ANKRD31: variants seen among roughly 807,000 people sequenced by gnomAD.
The protein encoded by ANKRD31 is ankyrin repeat domain-containing protein 31.
A neutral mutation model predicts 186.0 loss-of-function variants in ANKRD31; 147 were observed. That is an observed-to-expected ratio of 0.79 (90% CI 0.69 to 0.91). The LOEUF (loss-of-function observed/expected upper bound fraction) is 0.91, where lower values mean the gene tolerates loss of function less well. Among genes scored for constraint, ANKRD31 ranks in the 40% least tolerant of loss-of-function variants. The probability of loss-of-function intolerance (pLI) is 0.00; values close to 1 mark genes in which losing one functional copy is unlikely to be tolerated. For missense variants in ANKRD31, 1,986 were observed against 2,148.8 expected (o/e 0.92, Z 1.50); for synonymous variants, 673 against 736.4 (o/e 0.91, Z 1.39).
chr5:75,069,832 A>G (rs1220293887), intron 25 of ANKRD31, among the ~76,000 whole-genome samples: 3 of 152,106 alleles, frequency 2.0e-5, no homozygotes, highest in Admixed American at 2.0e-4. Context: ...TTTATTGGGT[A>G]TTTTGGCAAA....
intron 3 of ANKRD31, among the ~76,000 whole-genome samples, chr5:75,221,717 TTC>T (rs1176118226): frequency 6.6e-6 from 1 of 152,120 alleles, no homozygotes; most frequent in Non-Finnish European, 1.5e-5. Flanking sequence ...CCCCTCCTCT[TTC>T]TCTCTTTTTC....
chr5:75,161,477 A>C (rs1752566720), intron 11 of ANKRD31, among the ~76,000 whole-genome samples: 1 of 152,258 alleles, frequency 6.6e-6, no homozygotes, highest in South Asian at 2.1e-4. Flanking sequence ...TACAGGAAGC[A>C]GAGCATAAAA....
intron 10 of ANKRD31, among the ~76,000 whole-genome samples, chr5:75,173,857 T>C (rs192615759): frequency 5.8e-4 from 88 of 152,158 alleles, no homozygotes; most frequent in Non-Finnish European, 1.1e-3. Context: ...CAATGACTCT[T>C]CACAGAATTG....
intron 10 of ANKRD31, among the ~76,000 whole-genome samples, chr5:75,172,029 A>G (rs575404599): frequency 9.3e-4 from 142 of 151,968 alleles, no homozygotes; most frequent in African/African-American, 3.2e-3. Flanking sequence ...TTAACAAAAT[A>G]TTAGCAAATC....
intron 24 of ANKRD31, among the ~76,000 whole-genome samples, chr5:75,080,952 A>G (rs549062847): frequency 6.6e-6 from 1 of 152,148 alleles, no homozygotes; most frequent in East Asian, 1.9e-4. Context: ...TGGTCTCTAC[A>G]GTGTCAGAGC....
intron 24 of ANKRD31, among the ~76,000 whole-genome samples, chr5:75,083,872 C>T (rs1745280909): frequency 6.6e-6 from 1 of 152,130 alleles, no homozygotes; most frequent in South Asian, 2.1e-4. Context: ...TGTAGATGAT[C>T]CTCAAAAACA....
chr5:75,189,544 C>CT (rs758808787), intron 9 of ANKRD31, among the ~76,000 whole-genome samples: 7 of 152,208 alleles, frequency 4.6e-5, no homozygotes, highest in Non-Finnish European at 1.0e-4. Flanking sequence ...AACTGCTGAA[C>CT]TTTGAGTCTA....
intron 3 of ANKRD31, among the ~76,000 whole-genome samples, chr5:75,212,431 G>T (rs1756711078): frequency 6.6e-6 from 1 of 152,022 alleles, no homozygotes; most frequent in Admixed American, 6.6e-5. Flanking sequence ...TAGGAAACAT[G>T]GCAAAACCCA....
At chr5:75,123,234 A>C (rs1030926394) in intron 17 of ANKRD31, among the ~76,000 whole-genome samples, 2 of 152,108 alleles carry the variant, frequency 1.3e-5, no homozygotes, top group Non-Finnish European at 1.5e-5. Context: ...CTAGGAATAT[A>C]GTTAACCAAG....
intron 3 of ANKRD31, among the ~76,000 whole-genome samples, chr5:75,215,803 C>T (rs895531265): frequency 6.6e-6 from 1 of 151,716 alleles, no homozygotes; most frequent in African/African-American, 2.4e-5. Flanking sequence ...AAATCTAATT[C>T]CAGTTGCAAA....
intron 5 of ANKRD31, among the ~76,000 whole-genome samples, chr5:75,202,153 CAG>C (rs1304855932): frequency 1.3e-5 from 2 of 152,222 alleles, no homozygotes; most frequent in Non-Finnish European, 2.9e-5. Context: ...CACATGTTCT[CAG>C]AGTTTCCTGA....
In ANKRD31 at chr5:75,199,627, C is replaced by A. The variant is rs1755688100; in HGVS notation, c.447+4G>T. 5 of 1,528,794 alleles carry A rather than the reference C, an allele frequency of 3.3e-6. No individual in the cohort carries two copies. The highest frequency in any genetic ancestry group is 1.4e-5 in the African/African-American group (1 of 72,538). 94.7% of individuals were successfully genotyped at this position (1,528,794 alleles called of 1,614,324 possible). A position where few individuals can be genotyped will look rare whatever the true frequency, so the allele number is the denominator to read the frequency against. On this transcript the variant is annotated splice_donor_region_variant and intron_variant, in intron 6 of 25. Coordinates refer to ENST00000506364, the MANE Select transcript of ANKRD31 (RefSeq NM_001372053.1). ...CATAGTTAATTTCTGTTATACAGAC[C>A]AACCTTTTCTATGTGTGGCAAAACT...
chr5:75,109,439 G>C (rs1747590823), intron 20 of ANKRD31, among the ~76,000 whole-genome samples: 9 of 152,126 alleles, frequency 5.9e-5, no homozygotes. Context: ...TCTGAAAAAA[G>C]ATTTCTTTAG....
intron 10 of ANKRD31, among the ~76,000 whole-genome samples, chr5:75,169,353 A>C (rs1274151689): frequency 6.6e-6 from 1 of 152,156 alleles, no homozygotes; most frequent in Non-Finnish European, 1.5e-5. Context: ...TGTGAAAAGA[A>C]ACAAAATATT....
At chr5:75,199,863 C>T (rs1755701875) in intron 5 of ANKRD31, among the ~76,000 whole-genome samples, 189 bp from the exon 6 acceptor site, 2 of 152,016 alleles carry the variant, frequency 1.3e-5, no homozygotes, top group South Asian at 4.1e-4. Context: ...AAAATTCTTG[C>T]ATTTCTTAAA....
In ANKRD31 at chr5:75,105,146, G is replaced by A. The variant is rs754464052; in HGVS notation, c.4413C>T (p.Ser1471=). The change falls in exon 22 of 26, where the codon AGC becomes AGT. Residue 1471 remains serine (S), a synonymous_variant. Coordinates refer to ENST00000506364, the MANE Select transcript of ANKRD31 (RefSeq NM_001372053.1). ...QLANLAARQK[S]LLVVAKKQKK... ...TCTGTTTTTTTGCCACAACTAAAAG[G>A]CTCTTCTGTCTTGCAGCCAAGTTGG... 1 of 1,536,806 alleles carries A rather than the reference G, an allele frequency of 6.5e-7. No individual in the cohort carries two copies. The highest frequency in any genetic ancestry group is 2.4e-5 in the East Asian group (1 of 40,902).
rs971055487 is a variant in ANKRD31 at position 75,230,616 on chromosome 5, C to T, written c.124G>A (p.Ala42Thr). Residue 42 changes from alanine (A) to threonine (T), a missense_variant, in exon 2 of 26, where the codon GCA becomes ACA. Transcript: ENST00000506364. ...PWRRLLFDQD[A>T]SLKSEFSLHP... ...AGACTGAACTCAGATTTAAGAGATG[C>T]GTCTTGATCAAACAGCAACCTTTCA... 35 of 1,536,528 alleles carry T rather than the reference C, an allele frequency of 2.3e-5. No individual in the cohort carries two copies. Among genetic ancestry groups the T allele is most frequent in the Admixed American group, 7.9e-5 (4 of 50,928 alleles).
At chr5:75,210,620 G>A (rs1271981517) in intron 4 of ANKRD31, among the ~76,000 whole-genome samples, 1 of 152,038 alleles carries the variant, frequency 6.6e-6, no homozygotes, top group Admixed American at 6.6e-5. Flanking sequence ...TAAAATAATA[G>A]AGAACCAAGT....
chr5:75,091,430 G>A (rs1373946332), intron 22 of ANKRD31, 29 bp from the exon 23 acceptor site: 2 of 1,514,868 alleles, frequency 1.3e-6, no homozygotes, highest in South Asian at 1.2e-5. Flanking sequence ...CAGAAATTAA[G>A]GTCAAAAATA....
Sources: allele counts gnomAD v4.1 joint callset (sites outside exome capture counted in the v4.1 genomes callset), GRCh38; gene constraint gnomAD v4.1.1; transcripts MANE v1.5; gene names NCBI Gene and HGNC (gene_info 2026-07-23, HGNC 2026-07-21).